Variants in LINGO2 observed in about 807,000 individuals in gnomAD.
LINGO2 encodes the protein leucine-rich repeat and immunoglobulin-like domain-containing nogo receptor-interacting protein 2.
A neutral mutation model predicts 30.6 loss-of-function variants in LINGO2; 14 were observed. The observed-to-expected ratio is 0.46, with a 90% CI of 0.30 to 0.72. LINGO2 has a LOEUF of 0.72. LINGO2 is among the 30% of genes least tolerant of loss of function. The pLI, the probability that LINGO2 is intolerant of heterozygous loss-of-function variation, is 0.07. For missense variants in LINGO2, 729 were observed against 751.7 expected, an observed-to-expected ratio of 0.97 and a Z score of 0.35; for synonymous variants, 317 against 288.5, an observed-to-expected ratio of 1.10 and a Z score of -1.00.
intron 1 of LINGO2, among the ~76,000 whole-genome samples, chr9:28,561,352 C>T (rs894734293): frequency 9.2e-5 from 14 of 151,704 alleles, no homozygotes; most frequent in African/African-American, 2.2e-4. Context: ...CTAGGAGATA[C>T]GAACCTGAGT....
chr9:28,228,600 A>G (rs1330664463), intron 4 of LINGO2, among the ~76,000 whole-genome samples: 1 of 151,974 alleles, frequency 6.6e-6, no homozygotes, highest in Non-Finnish European at 1.5e-5. Flanking sequence ...GCTATTTTTA[A>G]AAGTAATATT....
the LINGO2 span, among the ~76,000 whole-genome samples, chr9:29,071,723 T>C: frequency 2.6e-5 from 4 of 151,604 alleles, no homozygotes; most frequent in Admixed American, 6.6e-5. Context: ...AAAATATATA[T>C]TGGAGAGATG....
chr9:28,926,156 A>G, the LINGO2 span, among the ~76,000 whole-genome samples: 1 of 152,132 alleles, frequency 6.6e-6, no homozygotes, highest in African/African-American at 2.4e-5. Flanking sequence ...CTACTAAAAA[A>G]TACAAAAATT....
At chr9:28,401,439 A>G (rs1288106421) in intron 2 of LINGO2, among the ~76,000 whole-genome samples, 1 of 152,146 alleles carries the variant, frequency 6.6e-6, no homozygotes, top group Admixed American at 6.5e-5. Flanking sequence ...TTCCAGCTTC[A>G]TCCATGTCCC....
At chr9:28,881,288 T>C in the LINGO2 span, among the ~76,000 whole-genome samples, 1 of 152,072 alleles carries the variant, frequency 6.6e-6, no homozygotes, top group Non-Finnish European at 1.5e-5. Context: ...CACGCCTGGC[T>C]AATTTTTGTA....
the LINGO2 span, among the ~76,000 whole-genome samples, chr9:28,801,283 C>A: frequency 6.6e-6 from 1 of 151,934 alleles, no homozygotes; most frequent in African/African-American, 2.4e-5. Flanking sequence ...CAAGGTAGTG[C>A]TTTCCACTGG....
At chr9:28,738,520 T>A in the LINGO2 span, among the ~76,000 whole-genome samples, 41 of 152,048 alleles carry the variant, frequency 2.7e-4, no homozygotes, top group Admixed American at 4.6e-4. Flanking sequence ...AACCGTTTGA[T>A]TAAAAATAAG....
chr9:28,752,104 T>C, the LINGO2 span, among the ~76,000 whole-genome samples: 2 of 152,014 alleles, frequency 1.3e-5, no homozygotes, highest in Non-Finnish European at 1.5e-5. Context: ...CCATAATAAG[T>C]CTTAAGACAT....
intron 4 of LINGO2, among the ~76,000 whole-genome samples, chr9:28,124,907 G>C (rs1587036513): frequency 6.6e-6 from 1 of 152,224 alleles, no homozygotes; most frequent in African/African-American, 2.4e-5. Flanking sequence ...AGGGAAGACT[G>C]TTTAGAAGAT....
At chr9:28,562,105 G>A (rs1423515906) in intron 1 of LINGO2, among the ~76,000 whole-genome samples, 2 of 152,038 alleles carry the variant, frequency 1.3e-5, no homozygotes, top group Non-Finnish European at 2.9e-5. Context: ...GGAACTACAA[G>A]AAGGGTCCAC....
intron 2 of LINGO2, among the ~76,000 whole-genome samples, chr9:28,416,792 A>G (rs1279945864): frequency 1.3e-5 from 2 of 152,288 alleles, no homozygotes; most frequent in African/African-American, 2.4e-5. Context: ...ATTAGGTTAT[A>G]TTTAAGCTGT....
the LINGO2 span, among the ~76,000 whole-genome samples, chr9:28,779,324 T>C: frequency 5.9e-5 from 9 of 152,160 alleles, 1 homozygote; most frequent in East Asian, 1.7e-3. Flanking sequence ...ATTTGGGGAC[T>C]GTTTCCTCTC....
At chr9:28,842,925 G>A in the LINGO2 span, among the ~76,000 whole-genome samples, 1 of 151,804 alleles carries the variant, frequency 6.6e-6, no homozygotes, top group African/African-American at 2.4e-5. Context: ...GGCTGCTTTT[G>A]GAGTTATTTT....
chr9:28,897,851 T>A, the LINGO2 span, among the ~76,000 whole-genome samples: 1 of 152,170 alleles, frequency 6.6e-6, no homozygotes, highest in East Asian at 1.9e-4. Context: ...AATACTTTTT[T>A]AAAAGTTTCC....
At chr9:29,153,258 T>G in the LINGO2 span, among the ~76,000 whole-genome samples, 1 of 152,150 alleles carries the variant, frequency 6.6e-6, no homozygotes, top group Non-Finnish European at 1.5e-5. Flanking sequence ...TTTCTACTTG[T>G]TCTAAGAAGA....
At chr9:28,419,013 A>G (rs1823081698) in intron 2 of LINGO2, among the ~76,000 whole-genome samples, 1 of 152,184 alleles carries the variant, frequency 6.6e-6, no homozygotes, top group African/African-American at 2.4e-5. Flanking sequence ...TGATCAGTCC[A>G]GAGTAAGTCC....
chr9:28,988,800 GGTGGCACAGTTGAA>G, the LINGO2 span, among the ~76,000 whole-genome samples: 1 of 152,172 alleles, frequency 6.6e-6, no homozygotes, highest in East Asian at 1.9e-4. Context: ...GAGTGGGACT[GGTGGCACAGTTGAA>G]GTGACACCAT....
At chr9:28,139,058 A>AT in intron 4 of LINGO2, among the ~76,000 whole-genome samples, 1 of 152,292 alleles carries the variant, frequency 6.6e-6, no homozygotes, top group South Asian at 2.1e-4. Context: ...GCCTGAAGCT[A>AT]TTTTTCAGGT....
intron 4 of LINGO2, among the ~76,000 whole-genome samples, chr9:28,093,601 T>G (rs1048445641): frequency 6.6e-6 from 1 of 152,088 alleles, no homozygotes; most frequent in Non-Finnish European, 1.5e-5. Context: ...TCAGACACAT[T>G]ATGACACCTT....
Sources: gnomAD v4.1 joint callset for allele counts (sites outside exome capture counted in the v4.1 genomes callset) on GRCh38, gnomAD v4.1.1 for gene constraint, MANE v1.5 for transcripts, NCBI Gene and HGNC (gene_info 2026-07-23, HGNC 2026-07-21) for gene names.